Variants in MYO7B observed in about 807,000 individuals in gnomAD.
The protein encoded by MYO7B is myosin VIIB, also known as unconventional myosin-VIIb.
MYO7B carries 212 observed loss-of-function variants against 259.7 expected under a neutral mutation model. The observed-to-expected ratio is 0.82, with a 90% CI of 0.73 to 0.91. MYO7B has a LOEUF of 0.91. Ranked by LOEUF, MYO7B falls within the 40% of genes least tolerant of loss-of-function variation. The probability of loss-of-function intolerance (pLI) is 0.00; values close to 1 mark genes in which losing one functional copy is unlikely to be tolerated. For missense variants in MYO7B, 2,732 were observed against 2,813.5 expected, an observed-to-expected ratio of 0.97 and a Z score of 0.66; for synonymous variants, 1,197 against 1,166.4, an observed-to-expected ratio of 1.03 and a Z score of -0.54.
At position 127,571,442 on chromosome 2, in the gene MYO7B, G is replaced by GTTTTTTTTTTTTTTTT; in HGVS notation, c.592+1534_592+1549dup. On this transcript the variant is annotated intron_variant, in intron 6 of 47. Coordinates refer to ENST00000409816, the MANE Select transcript of MYO7B (RefSeq NM_001393586.1). ...AATTGGTCTATTTCCTTACCAGTGA[G>GTTTTTTTTTTTTTTTT]TTTTTTTTTTTTTTTTTGCTTGTTT... is the stretch of plus-strand genomic sequence containing the variant. Among the ~76,000 whole-genome samples, 37 of 41,920 alleles carry GTTTTTTTTTTTTTTTT rather than the reference G, an allele frequency of 8.8e-4. 3 individuals carry two copies. Among genetic ancestry groups the GTTTTTTTTTTTTTTTT allele is most frequent in the East Asian group, 6.0e-3 (4 of 666 alleles). 27.5% of individuals were successfully genotyped at this position (41,920 alleles called of 152,430 possible).
At chr2:127,603,772 A>T (rs778749292) in intron 19 of MYO7B, among the ~76,000 whole-genome samples, 2 of 152,244 alleles carry the variant, frequency 1.3e-5, no homozygotes, top group African/African-American at 2.4e-5. Flanking sequence ...TGAACTCTCT[A>T]TACCTCTCTA....
intron 1 of MYO7B, among the ~76,000 whole-genome samples, chr2:127,544,679 T>C (rs1222722491): frequency 4.0e-5 from 6 of 151,444 alleles, no homozygotes; most frequent in Non-Finnish European, 8.8e-5. Context: ...CTCCTGGGTT[T>C]ACGCCATTCT....
intron 22 of MYO7B, 84 bp downstream of exon 22, chr2:127,608,962 C>A: frequency 3.3e-6 from 5 of 1,497,732 alleles, no homozygotes; most frequent in Non-Finnish European, 3.6e-6. Flanking sequence ...CACCTCTCGG[C>A]TCCCTGAGAA....
chr2:127,574,098 G>A, intron 7 of MYO7B, 36 bp downstream of exon 7: 1 of 1,611,398 alleles, frequency 6.2e-7, no homozygotes, highest in East Asian at 2.2e-5. Flanking sequence ...GGAGTTGAGG[G>A]AATGGGGGAG....
At chr2:127,564,080 A>G in intron 2 of MYO7B, 73 bp from the exon 3 acceptor site, 1 of 1,120,938 alleles carries the variant, frequency 8.9e-7, no homozygotes, top group Admixed American at 2.4e-5. Flanking sequence ...ATAGCCCCGA[A>G]GAGAAGTAAG....
chr2:127,582,457 C>G lies in MYO7B; in HGVS notation c.1343+11C>G, dbSNP rs927390092. On this transcript the variant is annotated intron_variant, in intron 12 of 47. Transcript: ENST00000409816. ...TTTCGAGAACAATAGGTATGAAGAT[C>G]TCAGATCCCAGCCCCACTGCTTCCA... 1.2e-5 allele frequency: 20 copies of G among 1,611,980 alleles called. 2 individuals carry two copies. Among genetic ancestry groups the G allele is most frequent in the South Asian group, 1.1e-4 (10 of 90,602 alleles).
chr2:127,559,850 A>G lies in MYO7B; in HGVS notation c.18+110A>G. 1 of 1,288,410 alleles carries G rather than the reference A, an allele frequency of 7.8e-7. No individual in the cohort carries two copies. Among genetic ancestry groups the G allele is most frequent in the Non-Finnish European group, 1.1e-6 (1 of 885,220 alleles). The allele number at this position is 1,288,410 out of a possible 1,614,324, so 79.8% of individuals were successfully genotyped here. ...AGGCAATGAGACCCTATAGGAAAAT[A>G]CCAGAGACAGGGGAGTTTAGGAAAC... On this transcript the variant is annotated intron_variant, in intron 2 of 47. Transcript: ENST00000409816. This position sits in a 1 kb window ranked among gnomAD's most constrained non-coding sequence, Gnocchi z 4.1.
At chr2:127,635,545 CA>C (rs1392177443) in intron 43 of MYO7B, 176 bp from the exon 44 acceptor site, 1 of 730,700 alleles carries the variant, frequency 1.4e-6, no homozygotes, top group African/African-American at 1.8e-5. Flanking sequence ...ACGCAGATGT[CA>C]GGGGGCCCTG....
Position 127,559,554 on chromosome 2 carries a change from C to A in MYO7B, c.-23-146C>A. ...ACTTGGGCTAGGACTGTGACTCATT[C>A]ATCCATTTATTCAGCATTGTTTTTG... is the stretch of plus-strand genomic sequence containing the variant. On this transcript the variant is annotated intron_variant, in intron 1 of 47. Coordinates refer to ENST00000409816, the MANE Select transcript of MYO7B (RefSeq NM_001393586.1). This position sits in a 1 kb window ranked among gnomAD's most constrained non-coding sequence, Gnocchi z 4.1. 1.4e-6 allele frequency: 1 copy of A among 699,900 alleles called. No individual in the cohort carries two copies. The highest frequency in any genetic ancestry group is 2.4e-5 in the Admixed American group (1 of 42,442). 43.4% of individuals were successfully genotyped at this position (699,900 alleles called of 1,614,324 possible). A position where few individuals can be genotyped will look rare whatever the true frequency, so the allele number is the denominator to read the frequency against.
chr2:127,560,291 T>G (rs562128302), intron 2 of MYO7B, among the ~76,000 whole-genome samples: 1 of 152,288 alleles, frequency 6.6e-6, no homozygotes, highest in East Asian at 1.9e-4. Flanking sequence ...CCTCCCAAAG[T>G]GCTGGGTGTG....
chr2:127,594,508 G>A (rs946680751), intron 18 of MYO7B, among the ~76,000 whole-genome samples: 5 of 152,174 alleles, frequency 3.3e-5, no homozygotes, highest in African/African-American at 1.2e-4. Flanking sequence ...GGCTGTTCTG[G>A]GTCTCAGAGG....
chr2:127,631,845 C>T, intron 38 of MYO7B, 92 bp downstream of exon 38: 1 of 1,487,952 alleles, frequency 6.7e-7, no homozygotes, highest in Non-Finnish European at 9.0e-7. Flanking sequence ...GACACCGCAG[C>T]TGGTGGCGGC....
chr2:127,587,546 A>C (rs1573657587), intron 14 of MYO7B, among the ~76,000 whole-genome samples: 2 of 144,408 alleles, frequency 1.4e-5, no homozygotes, highest in African/African-American at 2.6e-5. Flanking sequence ...CTGTGTCCTC[A>C]TCTCCCCTTC....
At chr2:127,632,165 A>T in intron 38 of MYO7B, 81 bp from the exon 39 acceptor site, 1 of 1,489,950 alleles carries the variant, frequency 6.7e-7, no homozygotes, top group Non-Finnish European at 9.0e-7. Flanking sequence ...CAGCTCTCAC[A>T]TCCGTCCCTG....
At chr2:127,554,301 C>T (rs1173272752) in intron 1 of MYO7B, among the ~76,000 whole-genome samples, 4 of 152,096 alleles carry the variant, frequency 2.6e-5, no homozygotes, top group Non-Finnish European at 4.4e-5. Flanking sequence ...CTCAAGCTCC[C>T]GGCCTCAAGT....
chr2:127,593,237 A>G (rs1030567421), intron 17 of MYO7B, among the ~76,000 whole-genome samples: 13 of 152,316 alleles, frequency 8.5e-5, no homozygotes, highest in Non-Finnish European at 1.9e-4. Context: ...CTACCGCGTC[A>G]GGGAGCCGAG....
chr2:127,627,928 C>T lies in MYO7B; in HGVS notation c.4461-444C>T. 4.3e-6 allele frequency: 2 copies of T among 460,412 alleles called. No individual in the cohort carries two copies. Among genetic ancestry groups the T allele is most frequent in the Non-Finnish European group, 8.7e-6 (2 of 229,758 alleles). The allele number at this position is 460,412 out of a possible 1,614,324, so 28.5% of individuals were successfully genotyped here. On this transcript the variant is annotated intron_variant, in intron 33 of 47. Coordinates refer to ENST00000409816, the MANE Select transcript of MYO7B (RefSeq NM_001393586.1). This position sits in a 1 kb window ranked among gnomAD's most constrained non-coding sequence, Gnocchi z 5.6. The stretch of plus-strand genomic sequence containing the variant: ...ACCACTCCCCACTGGCCACCTCTCA[C>T]TGAGGCTGACCATGCTGGGCACTTT...
rs1219599347 is a variant in MYO7B, at chr2:127,577,366, A to G, written c.849+658A>G. Among the ~76,000 whole-genome samples, 1 of 151,914 alleles carries G rather than the reference A, an allele frequency of 6.6e-6. No individual in the cohort carries two copies. The highest frequency in any genetic ancestry group is 2.4e-5 in the African/African-American group (1 of 41,352). On this transcript the variant is annotated intron_variant, in intron 8 of 47. Transcript: ENST00000409816. This position sits in a 1 kb window ranked among gnomAD's most constrained non-coding sequence, Gnocchi z 5.2. The stretch of plus-strand genomic sequence containing the variant: ...AGTCTTGACCTCTAATCTGTCATCT[A>G]CCCTGCAGCCAAAGCACTCTTCCTG...
At chr2:127,565,478 C>A (rs77172937) in intron 4 of MYO7B, 93 bp downstream of exon 4, 1 of 1,487,382 alleles carries the variant, frequency 6.7e-7, no homozygotes, top group Non-Finnish European at 9.1e-7. Context: ...GGGGGCACTG[C>A]CCCCCATGCC....
Sources: allele counts gnomAD v4.1 joint callset (sites outside exome capture counted in the v4.1 genomes callset), GRCh38; gene constraint gnomAD v4.1.1; non-coding constraint Gnocchi (gnomAD v3.1); transcripts MANE v1.5; gene names NCBI Gene and HGNC (gene_info 2026-07-23, HGNC 2026-07-21).